DNAH14: variants seen among roughly 807,000 people sequenced by gnomAD.
The protein encoded by DNAH14 is axonemal beta dynein heavy chain 14.
DNAH14 carries 478 observed loss-of-function variants against 520.9 expected under a neutral mutation model. The ratio of observed to expected loss-of-function variants is 0.92; its 90% CI spans 0.85 to 0.99. The LOEUF is 0.99. Ranked by LOEUF, DNAH14 falls within the 50% of genes least tolerant of loss-of-function variation. DNAH14 has a pLI of 0.00. For missense variants in DNAH14, 4,831 were observed against 5,234.5 expected (o/e 0.92, Z 2.38); for synonymous variants, 1,581 against 1,757.2 (o/e 0.90, Z 2.51).
chr1:225,244,244 A>G (rs1363040371), intron 43 of DNAH14, among the ~76,000 whole-genome samples: 2 of 152,102 alleles, frequency 1.3e-5, no homozygotes. Flanking sequence ...GTGCTGCTGG[A>G]TTCATTTTGC....
At chr1:225,013,072 G>A (rs1045377620) in intron 10 of DNAH14, among the ~76,000 whole-genome samples, 1 of 152,148 alleles carries the variant, frequency 6.6e-6, no homozygotes, top group African/African-American at 2.4e-5. Context: ...CAGCCTTGGT[G>A]CGCTGGATTT....
chr1:224,935,390 A>G (rs1318985447), intron 1 of DNAH14, among the ~76,000 whole-genome samples: 1 of 151,932 alleles, frequency 6.6e-6, no homozygotes, highest in Non-Finnish European at 1.5e-5. Flanking sequence ...AGGGATAGAA[A>G]AAGATATTCC....
rs1558884020 is a variant in DNAH14 at position 225,078,852 on chromosome 1, CTCTCTCCCTCTCTCTCT to C, written c.2425-354_2425-338del. The stretch of plus-strand genomic sequence containing the variant: ...TCTCTCTCTCTCTCTCCCTCTCTCT[CTCTCTCCCTCTCTCTCT>C]CTCTCTCTCTCTCTCTCTCTCTCTC... On this transcript the variant is annotated intron_variant, in intron 17 of 85. Transcript: ENST00000682510. Among the ~76,000 whole-genome samples the C allele has an allele frequency of 1.5e-3, 64 of 42,594 alleles. 3 individuals carry two copies. Among genetic ancestry groups the C allele is most frequent in the African/African-American group, 5.2e-3 (52 of 9,958 alleles). 27.9% of individuals were successfully genotyped at this position (42,594 alleles called of 152,430 possible).
chr1:225,112,106 G>A (rs2076528951), intron 23 of DNAH14, among the ~76,000 whole-genome samples: 1 of 151,838 alleles, frequency 6.6e-6, no homozygotes, highest in South Asian at 2.1e-4. Context: ...AATATTTTGT[G>A]TTTTTCTGAT....
At chr1:225,122,583 C>A (rs2077387969) in intron 26 of DNAH14, among the ~76,000 whole-genome samples, 1 of 151,878 alleles carries the variant, frequency 6.6e-6, no homozygotes, top group Non-Finnish European at 1.5e-5. Context: ...AGCAATGTGA[C>A]AAAAAAGTTA....
intron 49 of DNAH14, among the ~76,000 whole-genome samples, chr1:225,268,311 T>A (rs1437940247): frequency 6.6e-6 from 1 of 152,156 alleles, no homozygotes; most frequent in Non-Finnish European, 1.5e-5. Context: ...ATAAATTAGG[T>A]ATTGCTGGGA....
intron 72 of DNAH14, among the ~76,000 whole-genome samples, chr1:225,353,422 A>G (rs1339080479): frequency 3.3e-5 from 5 of 152,066 alleles, no homozygotes; most frequent in Non-Finnish European, 7.4e-5. Context: ...GAAACCTCCA[A>G]CCTCTACACT....
chr1:225,356,797 A>T (rs1574995843), intron 73 of DNAH14, among the ~76,000 whole-genome samples: 2 of 152,210 alleles, frequency 1.3e-5, no homozygotes, highest in East Asian at 3.8e-4. Flanking sequence ...TTTATGTAGC[A>T]AGGATGAATT....
intron 31 of DNAH14, among the ~76,000 whole-genome samples, chr1:225,151,570 T>C (rs2080504523): frequency 6.6e-6 from 1 of 152,172 alleles, no homozygotes; most frequent in Non-Finnish European, 1.5e-5. Flanking sequence ...CTCATAGTGG[T>C]CCCAAAGTTT....
chr1:225,055,723 C>T (rs180713281), intron 17 of DNAH14, among the ~76,000 whole-genome samples: 91 of 139,226 alleles, frequency 6.5e-4, no homozygotes, highest in African/African-American at 2.4e-3. Context: ...GTGTGATGTT[C>T]CCCTTCCTGT....
At position 225,274,194 on chromosome 1, in the gene DNAH14, G is replaced by GTTTTTTTTTTTTTTTTTTTTTTTTT. The variant is rs1193834939; in HGVS notation, c.8010+1071_8010+1072insTTTTTTTTTTTTTTTTTTTTTTTTT. On this transcript the variant is annotated intron_variant, in intron 52 of 85. Transcript: ENST00000682510. ...TTTCTCTGCATCCTCACCAGCATCT[G>GTTTTTTTTTTTTTTTTTTTTTTTTT]TTATTTTTTTTTTTTTTTTTTTTTT... Among the ~76,000 whole-genome samples the GTTTTTTTTTTTTTTTTTTTTTTTTT allele has an allele frequency of 2.5e-5, 3 of 120,312 alleles. 1 individual carries two copies. The highest frequency in any genetic ancestry group is 6.8e-5 in the African/African-American group (2 of 29,436). The allele number at this position is 120,312 out of a possible 152,430, so 78.9% of individuals were successfully genotyped here.
At chr1:225,217,911 G>A (rs1410086940) in intron 41 of DNAH14, among the ~76,000 whole-genome samples, 2 of 152,144 alleles carry the variant, frequency 1.3e-5, no homozygotes, top group Non-Finnish European at 2.9e-5. Context: ...AAGCCCCAGT[G>A]AGATGAACCT....
At chr1:225,073,091 G>A (rs2071747289) in intron 17 of DNAH14, among the ~76,000 whole-genome samples, 1 of 152,134 alleles carries the variant, frequency 6.6e-6, no homozygotes, top group African/African-American at 2.4e-5. Context: ...GCAAGGATAT[G>A]TTGCCAAAAC....
chr1:225,034,837 C>T (rs576107057), intron 11 of DNAH14, among the ~76,000 whole-genome samples: 1 of 152,140 alleles, frequency 6.6e-6, no homozygotes, highest in Admixed American at 6.5e-5. Context: ...TCCATCTCTT[C>T]TAGATTTTCT....
intron 30 of DNAH14, 36 bp downstream of exon 30, chr1:225,145,415 G>A: frequency 7.0e-7 from 1 of 1,438,704 alleles, no homozygotes; most frequent in South Asian, 1.4e-5. Context: ...AAGAAATATT[G>A]TACACATAAA....
chr1:225,239,968 G>T (rs2091871169), intron 42 of DNAH14, among the ~76,000 whole-genome samples: 1 of 152,134 alleles, frequency 6.6e-6, no homozygotes, highest in Non-Finnish European at 1.5e-5. Flanking sequence ...CATCACCATA[G>T]AATTTCATGA....
In DNAH14 at chr1:225,030,790, G is replaced by A. The variant is rs115021100; in HGVS notation, c.1358+6925G>A. ...CTGCATAACTATAATTTTATAATAA[G>A]TCTTGAAATCAGGTAGTATGTATTC... On this transcript the variant is annotated intron_variant, in intron 11 of 85. Transcript: ENST00000682510. Among the ~76,000 whole-genome samples the A allele has an allele frequency of 3.2e-3, 493 of 151,964 alleles. 3 individuals carry two copies. The highest frequency in any genetic ancestry group is 0.011 in the African/African-American group (454 of 41,498).
chr1:225,192,604 T>A (rs2085593554), intron 37 of DNAH14, 92 bp from the exon 38 acceptor site: 3 of 848,094 alleles, frequency 3.5e-6, no homozygotes, highest in Non-Finnish European at 5.2e-6. Context: ...GTGAAAGGTT[T>A]CTCCTATAAC....
At chr1:225,058,906 T>C (rs1190918299) in intron 17 of DNAH14, among the ~76,000 whole-genome samples, 1 of 152,212 alleles carries the variant, frequency 6.6e-6, no homozygotes, top group Non-Finnish European at 1.5e-5. Flanking sequence ...CAGTTTGTTA[T>C]AATTTTTATT....
Sources: gnomAD v4.1 joint callset for allele counts (sites outside exome capture counted in the v4.1 genomes callset) on GRCh38, gnomAD v4.1.1 for gene constraint, MANE v1.5 for transcripts, NCBI Gene and HGNC (gene_info 2026-07-23, HGNC 2026-07-21) for gene names.